The following MSH3 variants were observed in gnomAD, a reference collection of about 807,000 sequenced individuals.
The protein encoded by MSH3 is DNA mismatch repair protein Msh3.
Under a neutral mutation model 123.3 loss-of-function variants are expected in MSH3, and 106 were observed. That is an observed-to-expected ratio of 0.86 (90% CI 0.73 to 1.01). MSH3 has a LOEUF of 1.01. Among genes scored for constraint, MSH3 ranks in the 50% least tolerant of loss-of-function variants. The pLI, the probability that MSH3 is intolerant of heterozygous loss-of-function variation, is 0.00. For synonymous variants in MSH3, 515 were observed against 481.4 expected (o/e 1.07, Z -0.91); for missense variants, 1,459 against 1,347.6 (o/e 1.08, Z -1.29).
At chr5:80,807,190 C>CAAA (rs34405208) in intron 19 of MSH3, among the ~76,000 whole-genome samples, 73 of 91,130 alleles carry the variant, frequency 8.0e-4, no homozygotes, top group Non-Finnish European at 9.4e-4. Context: ...TACCCTGTCT[C>CAAA]AAAAAAAAAA....
intron 19 of MSH3, among the ~76,000 whole-genome samples, chr5:80,805,581 C>T (rs1411670219): frequency 1.3e-5 from 1 of 75,460 alleles, no homozygotes; most frequent in Admixed American, 1.4e-4. Context: ...ATATGATGCC[C>T]CCCCCCCCTA....
chr5:80,731,294 A>C (rs1343997528), intron 10 of MSH3, among the ~76,000 whole-genome samples: 1 of 152,148 alleles, frequency 6.6e-6, no homozygotes, highest in South Asian at 2.1e-4. Flanking sequence ...ATTCTTTTCA[A>C]ATTACCTGAA....
At chr5:80,656,352 A>G (rs954392173) in intron 1 of MSH3, 59 bp from the exon 2 acceptor site, 10 of 1,608,716 alleles carry the variant, frequency 6.2e-6, no homozygotes, top group African/African-American at 4.0e-5. Context: ...ATTGCTTCAC[A>G]TACGTCAGGC....
intron 8 of MSH3, among the ~76,000 whole-genome samples, chr5:80,680,844 T>A (rs1226913098): frequency 6.6e-6 from 1 of 152,162 alleles, no homozygotes; most frequent in Non-Finnish European, 1.5e-5. Flanking sequence ...GTACATGACA[T>A]TGTCATATAA....
chr5:80,711,093 C>G (rs1040666407), intron 8 of MSH3, among the ~76,000 whole-genome samples: 2 of 152,128 alleles, frequency 1.3e-5, no homozygotes, highest in Admixed American at 6.5e-5. Context: ...GTAGAAAAAA[C>G]TAGAAAAAAA....
intron 10 of MSH3, among the ~76,000 whole-genome samples, chr5:80,731,613 C>A (rs1321883446): frequency 6.6e-6 from 1 of 151,960 alleles, no homozygotes; most frequent in African/African-American, 2.4e-5. Flanking sequence ...GCCAAAAGGT[C>A]ATTGGAAACC....
chr5:80,735,168 G>C (rs1743481864), intron 10 of MSH3, among the ~76,000 whole-genome samples: 1 of 152,114 alleles, frequency 6.6e-6, no homozygotes, highest in Admixed American at 6.5e-5. Flanking sequence ...CAGATCACCT[G>C]AGGTCAGGAA....
intron 2 of MSH3, among the ~76,000 whole-genome samples, chr5:80,659,140 G>A (rs1271875498): frequency 2.0e-5 from 3 of 151,914 alleles, no homozygotes; most frequent in East Asian, 1.9e-4. Flanking sequence ...AGGCTGAGGC[G>A]GGAGAATCCC....
chr5:80,693,689 ACT>A (rs975141106), intron 8 of MSH3, among the ~76,000 whole-genome samples: 1 of 151,726 alleles, frequency 6.6e-6, no homozygotes, highest in African/African-American at 2.4e-5. Context: ...TGGGAGTCTC[ACT>A]CTGTCACCCA....
intron 12 of MSH3, chr5:80,746,294 G>A (rs190054998): frequency 3.2e-6 from 1 of 312,962 alleles, no homozygotes; most frequent in Admixed American, 4.6e-5. Flanking sequence ...AGGGCAGCTA[G>A]TATTTGGAAC....
At chr5:80,675,256 A>C in intron 7 of MSH3, 128 bp downstream of exon 7, 1 of 1,087,722 alleles carries the variant, frequency 9.2e-7, no homozygotes. Flanking sequence ...CAAGAAAAAC[A>C]TTTTTCTCAC....
At chr5:80,859,914 T>G (rs907964220) in intron 21 of MSH3, among the ~76,000 whole-genome samples, 4 of 152,262 alleles carry the variant, frequency 2.6e-5, no homozygotes. Context: ...GTTATATTTC[T>G]TGTTTTACTT....
chr5:80,849,111 A>G (rs897215873), intron 20 of MSH3, among the ~76,000 whole-genome samples: 1 of 152,204 alleles, frequency 6.6e-6, no homozygotes, highest in Non-Finnish European at 1.5e-5. Flanking sequence ...TCAGCGGGGA[A>G]GTCAAATCTT....
At chr5:80,689,921 C>G (rs187832260) in intron 8 of MSH3, among the ~76,000 whole-genome samples, 13 of 152,072 alleles carry the variant, frequency 8.5e-5, no homozygotes, top group African/African-American at 3.1e-4. Flanking sequence ...GGGTCTCGCT[C>G]TGCTGTCCAA....
chr5:80,699,585 T>G (rs1266157600), intron 8 of MSH3, among the ~76,000 whole-genome samples: 1 of 150,030 alleles, frequency 6.7e-6, no homozygotes, highest in African/African-American at 2.5e-5. Context: ...AAAAAAAGGT[T>G]GTTGGAGTAG....
At chr5:80,679,185 T>C in intron 8 of MSH3, 92 bp downstream of exon 8, 1 of 1,340,042 alleles carries the variant, frequency 7.5e-7, no homozygotes, top group Non-Finnish European at 1.1e-6. Context: ...AAAAATAGTT[T>C]TTACTTACAA....
At chr5:80,817,888 A>G (rs1342665037) in intron 20 of MSH3, among the ~76,000 whole-genome samples, 1 of 152,198 alleles carries the variant, frequency 6.6e-6, no homozygotes, top group Non-Finnish European at 1.5e-5. Context: ...AGTTTGTGAC[A>G]ACTTATGATG....
At chr5:80,729,430 A>AT (rs1554070355) in intron 10 of MSH3, among the ~76,000 whole-genome samples, 2 of 78,376 alleles carry the variant, frequency 2.6e-5, no homozygotes, top group East Asian at 3.6e-4. Context: ...AAAAAAAAAA[A>AT]TGTGTGTGTG....
At chr5:80,774,729 G>C (rs6151811) in intron 15 of MSH3, among the ~76,000 whole-genome samples, 1,789 of 152,220 alleles carry the variant, frequency 0.012, 35 homozygotes, top group African/African-American at 0.04. Flanking sequence ...CAAACTTTGC[G>C]TGTTGTCACT....
Sources: gnomAD v4.1 joint callset for allele counts (sites outside exome capture counted in the v4.1 genomes callset) on GRCh38, gnomAD v4.1.1 for gene constraint, MANE v1.5 for transcripts, NCBI Gene and HGNC (gene_info 2026-07-23, HGNC 2026-07-21) for gene names.